TCF12: variants seen among roughly 807,000 people sequenced by gnomAD.
TCF12 encodes the protein DNA-binding protein HTF4.
In TCF12, 45 loss-of-function variants were observed where a neutral mutation model predicts 86.0. The observed-to-expected ratio is 0.52, with a 90% CI of 0.41 to 0.67. TCF12 has a LOEUF of 0.67. Among genes scored for constraint, TCF12 ranks in the 30% least tolerant of loss-of-function variants. TCF12 has a pLI of 0.00. For missense variants in TCF12, 881 were observed against 859.9 expected, an observed-to-expected ratio of 1.02 and a Z score of -0.31; for synonymous variants, 330 against 299.6, an observed-to-expected ratio of 1.10 and a Z score of -1.05.
intron 12 of TCF12, among the ~76,000 whole-genome samples, chr15:57,240,849 C>T (rs1373995869): frequency 3.0e-5 from 4 of 133,420 alleles, no homozygotes; most frequent in African/African-American, 1.2e-4. Flanking sequence ...CACTGCATTC[C>T]AGCCTGGGTG....
Position 56,966,098 on chromosome 15 carries a change from A to G in TCF12, c.148+45000A>G, listed in dbSNP as rs1441769702. Among the ~76,000 whole-genome samples, 2 of 152,296 alleles carry G rather than the reference A, an allele frequency of 1.3e-5. 1 individual carries two copies. The highest frequency in any genetic ancestry group is 2.9e-5 in the Non-Finnish European group (2 of 68,020). On this transcript the variant is annotated intron_variant, in intron 3 of 20. Coordinates refer to ENST00000333725, the MANE Select transcript of TCF12 (RefSeq NM_207037.2). ...TGAAGGTTGAAAGGAATGTTTGATT[A>G]TATGCTAATCTTTTTACACTAGTGT... is the stretch of plus-strand genomic sequence containing the variant.
chr15:57,085,832 G>A (rs1232788845), intron 4 of TCF12, among the ~76,000 whole-genome samples: 13 of 152,046 alleles, frequency 8.6e-5, no homozygotes, highest in Admixed American at 5.2e-4. Flanking sequence ...GGTTTTGGCC[G>A]ATTCTTCTGG....
intron 3 of TCF12, among the ~76,000 whole-genome samples, chr15:57,004,225 A>C (rs2064213262): frequency 6.8e-6 from 1 of 146,410 alleles, no homozygotes; most frequent in Non-Finnish European, 1.5e-5. Flanking sequence ...ACATTTGTTC[A>C]TTTCTTTCTT....
rs116767214 is a variant in TCF12, at chr15:57,071,981, A to G, written c.222+8158A>G. 3.7e-3 allele frequency among the ~76,000 whole-genome samples: 567 copies of G among 152,322 alleles called. 4 individuals carry two copies. Among genetic ancestry groups the G allele is most frequent in the African/African-American group, 0.013 (553 of 41,576 alleles). ...ATAAGGCAGGTTAACATTTCTGTAG[A>G]AAAAAATGTTATCTATTCTTTGGGA... On this transcript the variant is annotated intron_variant, in intron 4 of 20. Transcript: ENST00000333725.
intron 4 of TCF12, among the ~76,000 whole-genome samples, chr15:57,082,479 A>T (rs1437650911): frequency 6.6e-6 from 1 of 152,236 alleles, no homozygotes; most frequent in African/African-American, 2.4e-5. Context: ...ATGTGTCTTG[A>T]ACATTTTTTA....
At chr15:57,139,239 C>T (rs561638097) in intron 5 of TCF12, among the ~76,000 whole-genome samples, 1 of 152,268 alleles carries the variant, frequency 6.6e-6, no homozygotes, top group Non-Finnish European at 1.5e-5. Flanking sequence ...CCCTTACTTT[C>T]CTCTGCTCTA....
chr15:57,157,200 GT>G (rs558913231), intron 5 of TCF12, among the ~76,000 whole-genome samples: 529 of 151,678 alleles, frequency 3.5e-3, no homozygotes, highest in Non-Finnish European at 5.9e-3. Flanking sequence ...ATTTTAAATC[GT>G]TTTTTAAGAA....
intron 3 of TCF12, among the ~76,000 whole-genome samples, chr15:56,996,149 T>C (rs2063703035): frequency 6.6e-6 from 1 of 152,208 alleles, no homozygotes; most frequent in Admixed American, 6.5e-5. Flanking sequence ...TTGATCATGG[T>C]GAAATACCTT....
At chr15:57,150,952 C>CCCTTTT (rs1264365607) in intron 5 of TCF12, among the ~76,000 whole-genome samples, 1 of 140,366 alleles carries the variant, frequency 7.1e-6, no homozygotes, top group Non-Finnish European at 1.5e-5. Flanking sequence ...CCTTCCCCTC[C>CCCTTTT]CCTTTTCCTT....
chr15:56,920,487 C>CACGTGTGTGT (rs3223202), intron 2 of TCF12, among the ~76,000 whole-genome samples: 7 of 146,862 alleles, frequency 4.8e-5, no homozygotes, highest in East Asian at 4.2e-4. Context: ...CACACACACA[C>CACGTGTGTGT]GTGTGTGTGT....
At chr15:56,996,464 C>T (rs979203358) in intron 3 of TCF12, among the ~76,000 whole-genome samples, 1 of 152,138 alleles carries the variant, frequency 6.6e-6, no homozygotes, top group Non-Finnish European at 1.5e-5. Flanking sequence ...TGAAACTAGA[C>T]CCCTACCTAT....
At chr15:57,102,457 G>A (rs1321844223) in intron 5 of TCF12, among the ~76,000 whole-genome samples, 1 of 152,126 alleles carries the variant, frequency 6.6e-6, no homozygotes, top group Non-Finnish European at 1.5e-5. Flanking sequence ...AATTAGCTGG[G>A]CGTCGTGACG....
intron 18 of TCF12, among the ~76,000 whole-genome samples, chr15:57,265,461 G>C (rs973301171): frequency 1.3e-5 from 2 of 152,128 alleles, no homozygotes; most frequent in African/African-American, 2.4e-5. Flanking sequence ...TGCTCCCTGA[G>C]CTGCTGGGAT....
At chr15:57,058,246 G>A (rs557975642) in intron 3 of TCF12, among the ~76,000 whole-genome samples, 100 of 152,152 alleles carry the variant, frequency 6.6e-4, no homozygotes, top group Middle Eastern at 3.4e-3. Context: ...ATTTCCTTTT[G>A]GCCCTGTACT....
intron 19 of TCF12, among the ~76,000 whole-genome samples, chr15:57,273,673 C>T (rs1458310481): frequency 2.6e-5 from 4 of 152,066 alleles, no homozygotes; most frequent in African/African-American, 7.2e-5. Flanking sequence ...GAGTATCTAC[C>T]GTGCCCTGCT....
At chr15:57,093,313 A>G (rs989303380) in intron 5 of TCF12, among the ~76,000 whole-genome samples, 3 of 152,210 alleles carry the variant, frequency 2.0e-5, no homozygotes, top group Admixed American at 6.5e-5. Context: ...TTCGGAGTAC[A>G]ACTTTTCCCC....
chr15:57,044,624 A>T (rs1482846285), intron 3 of TCF12, among the ~76,000 whole-genome samples: 1 of 149,838 alleles, frequency 6.7e-6, no homozygotes, highest in Non-Finnish European at 1.5e-5. Context: ...CCTTGCTTTT[A>T]CCCGTTTTTC....
intron 8 of TCF12, 94 bp from the exon 9 acceptor site, chr15:57,231,057 GC>G: frequency 1.2e-6 from 1 of 826,758 alleles, no homozygotes; most frequent in Admixed American, 2.0e-5. Context: ...AATTAGATAG[GC>G]CTTTTTAAGC....
At chr15:57,118,883 A>G (rs550106389) in intron 5 of TCF12, among the ~76,000 whole-genome samples, 2 of 152,094 alleles carry the variant, frequency 1.3e-5, no homozygotes, top group Non-Finnish European at 2.9e-5. Context: ...AAGATATTTT[A>G]TTTTTTCCTT....
Sources: allele counts gnomAD v4.1 joint callset (sites outside exome capture counted in the v4.1 genomes callset), GRCh38; gene constraint gnomAD v4.1.1; transcripts MANE v1.5; gene names NCBI Gene and HGNC (gene_info 2026-07-23, HGNC 2026-07-21).